NUDCD3: variants seen among roughly 807,000 people sequenced by gnomAD.
NUDCD3 encodes NudC domain containing 3.
A neutral mutation model predicts 39.7 loss-of-function variants in NUDCD3; 13 were observed. That is an observed-to-expected ratio of 0.33 (90% CI 0.21 to 0.52). NUDCD3 has a LOEUF of 0.52. NUDCD3 is among the 20% of genes least tolerant of loss of function. NUDCD3 has a pLI of 0.96. For missense variants in NUDCD3, 453 were observed against 458.1 expected, an observed-to-expected ratio of 0.99 and a Z score of 0.10; for synonymous variants, 175 against 172.4, an observed-to-expected ratio of 1.02 and a Z score of -0.12.
intron 4 of NUDCD3, among the ~76,000 whole-genome samples, chr7:44,401,831 G>A (rs556136657): frequency 2.1e-3 from 320 of 152,316 alleles, no homozygotes; most frequent in Non-Finnish European, 4.2e-3. Flanking sequence ...AGAACACACA[G>A]GTGGAGACAG....
chr7:44,440,643 G>A (rs531917502), intron 2 of NUDCD3, among the ~76,000 whole-genome samples: 309 of 151,996 alleles, frequency 2.0e-3, no homozygotes, highest in Non-Finnish European at 3.1e-3. Context: ...GGAGGTTTAA[G>A]TCTGCAGCTG....
intron 1 of NUDCD3, among the ~76,000 whole-genome samples, chr7:44,486,770 T>A (rs1800620393): frequency 6.6e-6 from 1 of 152,154 alleles, no homozygotes; most frequent in Non-Finnish European, 1.5e-5. Flanking sequence ...CCCCCAGACT[T>A]GATAGTCCTC....
Position 44,453,120 on chromosome 7 carries a change from A to T in NUDCD3, c.510-25417T>A, listed in dbSNP as rs1392283462. 2.0e-5 allele frequency among the ~76,000 whole-genome samples: 3 copies of T among 152,214 alleles called. No homozygotes were observed. In the East Asian group the frequency reaches 5.8e-4, roughly 29 times the overall value. On this transcript the variant is annotated intron_variant, in intron 2 of 5. Transcript: ENST00000355451. Reference sequence around the variant, plus strand: ...GTAATCCCAGCACTTTGGGAAGCTGAGGGGGGCGGATCACCTGAGGTCAGG... The same window carrying T: ...GTAATCCCAGCACTTTGGGAAGCTGTGGGGGGCGGATCACCTGAGGTCAGG...
At chr7:44,468,895 T>C (rs1800191334) in intron 2 of NUDCD3, among the ~76,000 whole-genome samples, 2 of 152,008 alleles carry the variant, frequency 1.3e-5, no homozygotes, top group South Asian at 2.1e-4. Flanking sequence ...CCATAACCTA[T>C]GGAATAACTA....
chr7:44,409,242 C>T (rs893840025), intron 3 of NUDCD3, among the ~76,000 whole-genome samples: 2 of 152,144 alleles, frequency 1.3e-5, no homozygotes, highest in African/African-American at 4.8e-5. Context: ...GAAATAAAGG[C>T]TAAGGCAGTT....
chr7:44,381,548 A>T lies in NUDCD3; in HGVS notation c.*4463T>A, dbSNP rs1163939023. 1 of 152,188 alleles carries T rather than the reference A, an allele frequency of 6.6e-6. No individual in the cohort carries two copies. The highest frequency in any genetic ancestry group is 1.5e-5 in the Non-Finnish European group (1 of 68,084). 9.4% of individuals were successfully genotyped at this position (152,188 alleles called of 1,614,324 possible). On this transcript the variant is annotated 3_prime_UTR_variant, in exon 6 of 6. Transcript: ENST00000355451. ...TTACTCCTGTGATTGTAGCACAATG[A>T]GGGGTTAGACTACAAAGTCCCTCAG...
chr7:44,448,807 A>G (rs1239640002), intron 2 of NUDCD3, among the ~76,000 whole-genome samples: 1 of 152,196 alleles, frequency 6.6e-6, no homozygotes, highest in Non-Finnish European at 1.5e-5. Context: ...AAACTACTTC[A>G]TAGGTCTTGC....
chr7:44,402,388 A>G (rs532026501), intron 4 of NUDCD3, among the ~76,000 whole-genome samples: 2 of 152,328 alleles, frequency 1.3e-5, no homozygotes, highest in African/African-American at 4.8e-5. Context: ...CACAAAAAAG[A>G]AACATGGCTT....
At chr7:44,410,530 G>A (rs975383471) in intron 3 of NUDCD3, among the ~76,000 whole-genome samples, 19 of 152,124 alleles carry the variant, frequency 1.2e-4, no homozygotes, top group Non-Finnish European at 1.5e-4. Flanking sequence ...CGGGTGTGGT[G>A]GCGGGTGCCT....
intron 5 of NUDCD3, among the ~76,000 whole-genome samples, chr7:44,386,477 G>A (rs1798405202): frequency 6.6e-6 from 1 of 152,176 alleles, no homozygotes; most frequent in Non-Finnish European, 1.5e-5. Context: ...ACCAGGCACT[G>A]ACTAAGGCAT....
chr7:44,452,959 G>C (rs911207755), intron 2 of NUDCD3, among the ~76,000 whole-genome samples: 4 of 152,222 alleles, frequency 2.6e-5, no homozygotes, highest in Non-Finnish European at 4.4e-5. Flanking sequence ...TTGGATTTCA[G>C]GGACATTCTG....
At position 44,462,170 on chromosome 7, in the gene NUDCD3, T is replaced by C. The variant is rs79456798; in HGVS notation, c.509+22798A>G. On this transcript the variant is annotated intron_variant, in intron 2 of 5. Transcript: ENST00000355451. Reference sequence around the variant, plus strand: ...ACACACACTCTCTCTCTCTCTCTCATATATACACACATACAGAAAGAGAAA... The same window carrying C: ...ACACACACTCTCTCTCTCTCTCTCACATATACACACATACAGAAAGAGAAA... 1.3e-3 allele frequency among the ~76,000 whole-genome samples: 201 copies of C among 152,290 alleles called. 6 individuals carry two copies. The East Asian group carries it at 0.037, about 28-fold the overall frequency.
intron 5 of NUDCD3, among the ~76,000 whole-genome samples, chr7:44,389,142 G>T (rs1341427122): frequency 6.6e-6 from 1 of 152,262 alleles, no homozygotes; most frequent in African/African-American, 2.4e-5. Context: ...AGGGCATGAA[G>T]GGGGATGCCA....
chr7:44,403,067 T>C (rs1337559741), intron 4 of NUDCD3: 1 of 161,430 alleles, frequency 6.2e-6, no homozygotes, highest in Non-Finnish European at 1.4e-5. Flanking sequence ...GGTCAAAGGA[T>C]GAGGAACTGA....
intron 3 of NUDCD3, among the ~76,000 whole-genome samples, chr7:44,407,566 C>CA (rs758475229): frequency 0.077 from 3,689 of 48,042 alleles, 136 homozygotes; most frequent in African/African-American, 0.15. Flanking sequence ...AATTCTGTCT[C>CA]AAAAAAAAAA....
chr7:44,413,468 C>T (rs1798967315), intron 3 of NUDCD3, among the ~76,000 whole-genome samples: 1 of 152,000 alleles, frequency 6.6e-6, no homozygotes, highest in African/African-American at 2.4e-5. Context: ...TACAGAACTC[C>T]TAGAAATCAG....
chr7:44,467,783 C>T (rs1008288243), intron 2 of NUDCD3: 8 of 705,404 alleles, frequency 1.1e-5, no homozygotes, highest in African/African-American at 5.4e-5. Context: ...TTGTTATCAC[C>T]CTATTGTATA....
rs1231731935 is a variant in NUDCD3, at chr7:44,385,788, CAG to C, written c.*221_*222del. 11 of 539,340 alleles carry C rather than the reference CAG, an allele frequency of 2.0e-5. No individual in the cohort carries two copies. Among genetic ancestry groups the C allele is most frequent in the Non-Finnish European group, 3.6e-5 (11 of 304,230 alleles). 33.4% of individuals were successfully genotyped at this position (539,340 alleles called of 1,614,324 possible). A position where few individuals can be genotyped will look rare whatever the true frequency, so the allele number is the denominator to read the frequency against. The stretch of plus-strand genomic sequence containing the variant: ...CTCCTGCATTTCAAACACCTTCACT[CAG>C]TGTCAGCCACAGCGGCCACCACATA... On this transcript the variant is annotated 3_prime_UTR_variant, in exon 6 of 6. Transcript: ENST00000355451.
chr7:44,394,285 C>T (rs549586520), intron 4 of NUDCD3, among the ~76,000 whole-genome samples: 1 of 152,356 alleles, frequency 6.6e-6, no homozygotes, highest in South Asian at 2.1e-4. Context: ...AATGACGCTG[C>T]TCTGCCAGTG....
Sources: allele counts gnomAD v4.1 joint callset (sites outside exome capture counted in the v4.1 genomes callset), GRCh38; gene constraint gnomAD v4.1.1; transcripts MANE v1.5; gene names NCBI Gene and HGNC (gene_info 2026-07-23, HGNC 2026-07-21).